PPHLN1: variants seen among roughly 807,000 people sequenced by gnomAD.
PPHLN1 encodes periphilin-1.
PPHLN1 carries 29 observed loss-of-function variants against 51.3 expected under a neutral mutation model. That is an observed-to-expected ratio of 0.57 (90% CI 0.42 to 0.77). The LOEUF (loss-of-function observed/expected upper bound fraction) is 0.77. Among genes scored for constraint, PPHLN1 ranks in the 30% least tolerant of loss-of-function variants. The probability of loss-of-function intolerance (pLI) is 0.00; values close to 1 mark genes in which losing one functional copy is unlikely to be tolerated. For synonymous variants in PPHLN1, 147 were observed against 147.8 expected (o/e 0.99, Z 0.04); for missense variants, 436 against 438.4 (o/e 0.99, Z 0.05).
At chr12:42,355,506 G>A (rs2073932539) in intron 4 of PPHLN1, 1 of 252,398 alleles carries the variant, frequency 4.0e-6, no homozygotes, top group Admixed American at 5.3e-5. Context: ...GGAGGCCAAG[G>A]CGGGCAAATC....
intron 1 of PPHLN1, among the ~76,000 whole-genome samples, chr12:42,327,458 C>G (rs1487936967): frequency 6.6e-6 from 1 of 152,148 alleles, no homozygotes; most frequent in Non-Finnish European, 1.5e-5. Flanking sequence ...TACTTTCTTC[C>G]CTCAGTATCT....
At chr12:42,343,918 A>G (rs754427182) in intron 2 of PPHLN1, 1 of 445,248 alleles carries the variant, frequency 2.2e-6, no homozygotes, top group South Asian at 1.6e-5. Flanking sequence ...AGTGAAATAA[A>G]TCAACAAGTG....
In PPHLN1 at chr12:42,362,725, T is replaced by C. The variant is rs148749987; in HGVS notation, c.299+7503T>C. Among the ~76,000 whole-genome samples the C allele has an allele frequency of 7.8e-3, 1,190 of 152,354 alleles. 12 individuals carry two copies. Among genetic ancestry groups the C allele is most frequent in the Non-Finnish European group, 0.012 (838 of 68,040 alleles). ...GATCATGGCATTACCTTTTCTTTTA[T>C]TGCATACTTTTATCTCCTTTTTCCA... is the stretch of plus-strand genomic sequence containing the variant. On this transcript the variant is annotated intron_variant, in intron 4 of 9. Coordinates refer to ENST00000358314, the MANE Select transcript of PPHLN1 (RefSeq NM_201439.2).
intron 1 of PPHLN1, among the ~76,000 whole-genome samples, chr12:42,334,131 G>GGGA (rs2070236395): frequency 6.6e-6 from 1 of 152,106 alleles, no homozygotes; most frequent in Non-Finnish European, 1.5e-5. Flanking sequence ...GTAAAGGTGG[G>GGGA]GGAGGAGGAG....
At chr12:42,444,926 A>G, downstream of PPHLN1, 2 of 618,716 alleles carry the variant, frequency 3.2e-6, no homozygotes, top group Non-Finnish European at 5.7e-6. Flanking sequence ...CCCTCACTCC[A>G]TCGAGATTTA....
chr12:42,434,716 C>A (rs138220748), intron 9 of PPHLN1, among the ~76,000 whole-genome samples: 1 of 152,114 alleles, frequency 6.6e-6, no homozygotes, highest in Non-Finnish European at 1.5e-5. Flanking sequence ...TTTTTTGAGA[C>A]GGAGTCTTGC....
rs546768809 is a variant in PPHLN1, at chr12:42,417,616, G to A, written c.909+18622G>A. ...TTAAGTAAGCGTAGAAAGGCAAACCGGATTATTTATCCATAATTGACCAAG... is the reference window on the plus strand; with the variant it reads ...TTAAGTAAGCGTAGAAAGGCAAACCAGATTATTTATCCATAATTGACCAAG... On this transcript the variant is annotated intron_variant, in intron 9 of 9. Coordinates refer to ENST00000358314, the MANE Select transcript of PPHLN1 (RefSeq NM_201439.2). 5.3e-5 allele frequency among the ~76,000 whole-genome samples: 8 copies of A among 151,986 alleles called. No homozygotes were observed. The South Asian group carries it at 6.2e-4, about 12-fold the overall frequency.
chr12:42,397,127 T>C (rs1221772009), intron 8 of PPHLN1, among the ~76,000 whole-genome samples: 1 of 152,060 alleles, frequency 6.6e-6, no homozygotes, highest in Non-Finnish European at 1.5e-5. Flanking sequence ...TTTTCACATA[T>C]AGGGTGTTAT....
At chr12:42,390,685 T>A (rs184053334) in intron 7 of PPHLN1, among the ~76,000 whole-genome samples, 144 of 148,634 alleles carry the variant, frequency 9.7e-4, no homozygotes, top group African/African-American at 3.3e-3. Context: ...TTTTTTTTTT[T>A]AAGCTCATCA....
intron 4 of PPHLN1, 130 bp downstream of exon 4, chr12:42,355,352 C>G: frequency 1.3e-6 from 1 of 750,318 alleles, no homozygotes. Context: ...AAGCAACAAG[C>G]ATTATATTCT....
intron 9 of PPHLN1, among the ~76,000 whole-genome samples, chr12:42,406,370 G>A (rs1460760562): frequency 2.0e-5 from 3 of 152,234 alleles, no homozygotes; most frequent in East Asian, 1.9e-4. Context: ...GTGAGCCACC[G>A]TGCCCGGCCT....
At chr12:42,379,273 A>G (rs989331678) in intron 5 of PPHLN1, among the ~76,000 whole-genome samples, 2 of 152,042 alleles carry the variant, frequency 1.3e-5, no homozygotes, top group African/African-American at 4.8e-5. Flanking sequence ...TGATAAATTT[A>G]CTAAATCACA....
chr12:42,445,664 A>T, downstream of PPHLN1: 1 of 241,654 alleles, frequency 4.1e-6, no homozygotes. Context: ...AACATTCCAC[A>T]GGCATCCCGT....
chr12:42,439,141 C>T (rs1323455035), intron 9 of PPHLN1, among the ~76,000 whole-genome samples: 1 of 152,136 alleles, frequency 6.6e-6, no homozygotes, highest in East Asian at 1.9e-4. Context: ...ATTTTTTCCT[C>T]TGTTATCTTC....
At chr12:42,401,399 T>C (rs2078831564) in intron 9 of PPHLN1, among the ~76,000 whole-genome samples, 1 of 151,964 alleles carries the variant, frequency 6.6e-6, no homozygotes, top group Admixed American at 6.6e-5. Flanking sequence ...TTTATGAAAA[T>C]GTTTATTTTT....
At chr12:42,350,898 T>C (rs1469985824) in intron 2 of PPHLN1, among the ~76,000 whole-genome samples, 1 of 151,032 alleles carries the variant, frequency 6.6e-6, no homozygotes. Context: ...GAGGTTGCAG[T>C]GAGCCGAGAT....
intron 9 of PPHLN1, among the ~76,000 whole-genome samples, chr12:42,417,277 A>G (rs111729082): frequency 1.3e-5 from 2 of 152,340 alleles, no homozygotes; most frequent in African/African-American, 4.8e-5. Context: ...AGTAGCACAG[A>G]TATAGGAACT....
In PPHLN1 at chr12:42,441,746, C is replaced by A; in HGVS notation, c.*237C>A. The A allele has an allele frequency of 8.7e-7, 1 of 1,155,314 alleles. No homozygotes were observed. The highest frequency in any genetic ancestry group is 1.1e-6 in the Non-Finnish European group (1 of 924,592). 71.6% of individuals were successfully genotyped at this position (1,155,314 alleles called of 1,614,324 possible). The stretch of plus-strand genomic sequence containing the variant: ...TGTTGGCCAGGCTAGTCTCTAACTC[C>A]TGGCCTCAAGTGATCTGCCTGCCTC... On this transcript the variant is annotated 3_prime_UTR_variant, in exon 10 of 10. Coordinates refer to ENST00000358314, the MANE Select transcript of PPHLN1 (RefSeq NM_201439.2).
chr12:42,401,133 G>A (rs1427601042), intron 9 of PPHLN1, among the ~76,000 whole-genome samples: 4 of 152,194 alleles, frequency 2.6e-5, no homozygotes, highest in Admixed American at 6.5e-5. Flanking sequence ...ACCAGTCACC[G>A]TCAACCTTTC....
Sources: gnomAD v4.1 joint callset for allele counts (sites outside exome capture counted in the v4.1 genomes callset) on GRCh38, gnomAD v4.1.1 for gene constraint, MANE v1.5 for transcripts, NCBI Gene and HGNC (gene_info 2026-07-23, HGNC 2026-07-21) for gene names.